The following TGS1 variants were observed in gnomAD, a reference collection of about 807,000 sequenced individuals.
TGS1 encodes trimethylguanosine synthase 1.
A neutral mutation model predicts 92.2 loss-of-function variants in TGS1; 69 were observed. The ratio of observed to expected loss-of-function variants is 0.75; its 90% CI spans 0.62 to 0.91. TGS1 has a LOEUF of 0.91. TGS1 is among the 40% of genes least tolerant of loss of function. The pLI is 0.00. For missense variants in TGS1, 1,062 were observed against 1,001.2 expected, an observed-to-expected ratio of 1.06 and a Z score of -0.82; for synonymous variants, 345 against 338.1, an observed-to-expected ratio of 1.02 and a Z score of -0.22.
chr8:55,807,994 C>G (rs1803224997), intron 10 of TGS1, among the ~76,000 whole-genome samples: 1 of 152,184 alleles, frequency 6.6e-6, no homozygotes, highest in Non-Finnish European at 1.5e-5. Flanking sequence ...TTTTGGAAAG[C>G]ACGTAGTAGC....
At chr8:55,797,131 A>G (rs1225130779) in intron 7 of TGS1, among the ~76,000 whole-genome samples, 1 of 152,122 alleles carries the variant, frequency 6.6e-6, no homozygotes, top group African/African-American at 2.4e-5. Flanking sequence ...TTTTGAAGGA[A>G]AGAGGTTTAA....
intron 7 of TGS1, 39 bp from the exon 8 acceptor site, chr8:55,798,875 G>A (rs775145017): frequency 2.0e-6 from 3 of 1,486,260 alleles, no homozygotes; most frequent in East Asian, 2.3e-5. Context: ...GTGTAGTTTG[G>A]AATTAATTCC....
Position 55,810,919 on chromosome 8 carries a change from G to C in TGS1, c.2182G>C (p.Ala728Pro), listed in dbSNP as rs774716946. 6.2e-7 allele frequency: 1 copy of C among 1,614,016 alleles called. No homozygotes were observed. The highest frequency in any genetic ancestry group is 1.1e-5 in the South Asian group (1 of 91,084). The change falls in exon 11 of 13, where the codon GCT becomes CCT. Residue 728 changes from alanine (A) to proline (P), a missense_variant. Physicochemically the swap from Ala to Pro is conservative, Grantham distance 27 (BLOSUM62 -1). Transcript: ENST00000260129. ...TATCGATCCTGTTAAGATTGCCCTT[G>C]CTCGCAATAATGCAGAAGTTTATGG... ...IDIDPVKIAL[A>P]RNNAEVYGIA...
chr8:55,804,594 A>G (rs1347081285), intron 9 of TGS1, among the ~76,000 whole-genome samples: 1 of 152,220 alleles, frequency 6.6e-6, no homozygotes, highest in Non-Finnish European at 1.5e-5. Context: ...GTCAGTAGTT[A>G]AAGCCTCAAA....
chr8:55,806,689 A>T (rs1194148389), intron 10 of TGS1, among the ~76,000 whole-genome samples: 1 of 152,150 alleles, frequency 6.6e-6, no homozygotes, highest in Non-Finnish European at 1.5e-5. Context: ...GTAATCAACA[A>T]TCTTGTGAAT....
intron 2 of TGS1, among the ~76,000 whole-genome samples, chr8:55,783,797 A>G (rs991747914): frequency 6.6e-6 from 1 of 152,226 alleles, no homozygotes; most frequent in Non-Finnish European, 1.5e-5. Flanking sequence ...CTGTTTCTTC[A>G]GTTGATCACT....
chr8:55,792,657 G>C, intron 5 of TGS1, 41 bp from the exon 6 acceptor site: 1 of 1,391,146 alleles, frequency 7.2e-7, no homozygotes, highest in Non-Finnish European at 1.0e-6. Flanking sequence ...AGTGGGCTCT[G>C]GTGGTAATGG....
intron 1 of TGS1, among the ~76,000 whole-genome samples, chr8:55,780,859 T>C (rs765731007): frequency 5.3e-5 from 8 of 152,222 alleles, no homozygotes; most frequent in Non-Finnish European, 1.0e-4. Flanking sequence ...GGTGCTGATA[T>C]TGTCTCTGAT....
chr8:55,797,798 G>A (rs1200563440), intron 7 of TGS1, among the ~76,000 whole-genome samples: 1 of 152,140 alleles, frequency 6.6e-6, no homozygotes, highest in Non-Finnish European at 1.5e-5. Flanking sequence ...TAGACTCCAT[G>A]ATGTCTCTGT....
intron 12 of TGS1, among the ~76,000 whole-genome samples, chr8:55,820,359 C>T (rs1803600377): frequency 6.6e-6 from 1 of 152,064 alleles, no homozygotes; most frequent in Non-Finnish European, 1.5e-5. Flanking sequence ...ACCAGCCTGG[C>T]CAACATCGTG....
At position 55,786,707 on chromosome 8, in the gene TGS1, C is replaced by G; in HGVS notation, c.809C>G (p.Thr270Arg). ...TTTGATGCCTCGCAAAGCTGTGATACAGATACTTACACATCTAAAACAGAA... is the reference window on the plus strand; with the variant it reads ...TTTGATGCCTCGCAAAGCTGTGATAGAGATACTTACACATCTAAAACAGAA... ...WTFDASQSCD[T>R]DTYTSKTEAD... Residue 270 changes from threonine (T) to arginine (R), a missense_variant, in exon 4 of 13, where the codon ACA becomes AGA. Physicochemically the swap from Thr to Arg is moderately conservative, Grantham distance 71 (BLOSUM62 -1). Coordinates refer to ENST00000260129, the MANE Select transcript of TGS1 (RefSeq NM_024831.8). 1 of 1,614,090 alleles carries G rather than the reference C, an allele frequency of 6.2e-7. No homozygotes were observed. The highest frequency in any genetic ancestry group is 1.1e-5 in the South Asian group (1 of 91,080).
At chr8:55,797,820 G>A (rs751709656) in intron 7 of TGS1, among the ~76,000 whole-genome samples, 2 of 152,094 alleles carry the variant, frequency 1.3e-5, no homozygotes, top group African/African-American at 2.4e-5. Context: ...TCTGTTGTTC[G>A]TTTTTTAAGG....
At chr8:55,812,905 G>A in intron 11 of TGS1, 135 bp from the exon 12 acceptor site, 2 of 649,166 alleles carry the variant, frequency 3.1e-6, no homozygotes, top group Admixed American at 2.9e-5. Flanking sequence ...TCTCTTTTAG[G>A]TTCCATTAGA....
rs191085835 is a variant in TGS1, at chr8:55,803,520, G to C, written c.1999+914G>C. 3.5e-3 allele frequency among the ~76,000 whole-genome samples: 535 copies of C among 152,254 alleles called. 4 individuals are homozygous for C. The highest frequency in any genetic ancestry group is 0.012 in the African/African-American group (505 of 41,544). On this transcript the variant is annotated intron_variant, in intron 9 of 12. Transcript: ENST00000260129. ...TATTGGAAAAAGTACGTAGGAATTT[G>C]TAAGGAGAAATAAGGCTGGAAAACA...
intron 10 of TGS1, among the ~76,000 whole-genome samples, chr8:55,809,579 C>T (rs1049269643): frequency 1.3e-5 from 2 of 152,086 alleles, no homozygotes; most frequent in African/African-American, 4.8e-5. Flanking sequence ...ACTTAAACCT[C>T]CTGAGTAGCT....
rs112238006 is a variant in TGS1 at position 55,781,609 on chromosome 8, C to T, written c.102-1139C>T. 5.9e-3 allele frequency among the ~76,000 whole-genome samples: 902 copies of T among 152,292 alleles called. 4 individuals are homozygous for T. Among genetic ancestry groups the T allele is most frequent in the African/African-American group, 0.02 (832 of 41,554 alleles). Reference sequence around the variant, plus strand: ...CCCCCTGTGCAGCTCCTGCTTCCCACCCCCAGTGCCCATGTTCCTGGGGAC... The same window carrying T: ...CCCCCTGTGCAGCTCCTGCTTCCCATCCCCAGTGCCCATGTTCCTGGGGAC... On this transcript the variant is annotated intron_variant, in intron 1 of 12. Coordinates refer to ENST00000260129, the MANE Select transcript of TGS1 (RefSeq NM_024831.8).
chr8:55,802,485 G>A lies in TGS1; in HGVS notation c.1878G>A (p.Lys626=). 6.2e-7 allele frequency: 1 copy of A among 1,613,882 alleles called. No homozygotes were observed. The highest frequency in any genetic ancestry group is 1.7e-4 in the Middle Eastern group (1 of 6,060). ...AAGTGAAAAAGAAGAAGAACAAGAA[G>A]AAGAACAAAAAGGTGAATGGTCTGC... The part of the protein sequence containing the change: ...EAEVKKKKNK[K]KNKKVNGLPP... Residue 626 remains lysine, a synonymous_variant, in exon 9 of 13, where the codon AAG becomes AAA. Transcript: ENST00000260129.
At chr8:55,824,458 G>T in intron 12 of TGS1, 123 bp from the exon 13 acceptor site, 2 of 1,234,462 alleles carry the variant, frequency 1.6e-6, no homozygotes, top group Non-Finnish European at 1.1e-6. Context: ...CATTTGAGAT[G>T]CCTCATTATT....
chr8:55,819,123 G>A (rs1348651796), intron 12 of TGS1, among the ~76,000 whole-genome samples: 2 of 151,872 alleles, frequency 1.3e-5, no homozygotes, highest in African/African-American at 2.4e-5. Context: ...TTTATTTTTT[G>A]TAGAGACAGG....
Sources: gnomAD v4.1 joint callset for allele counts (sites outside exome capture counted in the v4.1 genomes callset) on GRCh38, gnomAD v4.1.1 for gene constraint, MANE v1.5 for transcripts, NCBI Gene and HGNC (gene_info 2026-07-23, HGNC 2026-07-21) for gene names.